Variants in TNFAIP8 observed in about 807,000 individuals in gnomAD.
The protein encoded by TNFAIP8 is TNF alpha induced protein 8.
A neutral mutation model predicts 13.3 loss-of-function variants in TNFAIP8; 7 were observed. The observed-to-expected ratio is 0.52, with a 90% confidence interval of 0.30 to 0.99. The LOEUF (loss-of-function observed/expected upper bound fraction) is 0.99, where lower values mean the gene tolerates loss of function less well. TNFAIP8 is among the 50% of genes least tolerant of loss of function. The probability of loss-of-function intolerance (pLI) is 0.07; values close to 1 mark genes in which losing one functional copy is unlikely to be tolerated. For missense variants in TNFAIP8, 258 were observed against 236.9 expected (o/e 1.09, Z -0.58); for synonymous variants, 94 against 87.6 (o/e 1.07, Z -0.41).
chr5:119,324,274 C>CAAAAAAAAAAAAA lies in TNFAIP8; in HGVS notation c.1+55395_1+55407dup, dbSNP rs56104829. Among the ~76,000 whole-genome samples, 10 of 77,670 alleles carry CAAAAAAAAAAAAA rather than the reference C, an allele frequency of 1.3e-4. 1 individual carries two copies. The highest frequency in any genetic ancestry group is 1.9e-4 in the African/African-American group (4 of 20,638). 51.0% of individuals were successfully genotyped at this position (77,670 alleles called of 152,430 possible). A position where few individuals can be genotyped will look rare whatever the true frequency, so the allele number is the denominator to read the frequency against. On this transcript the variant is annotated intron_variant, in intron 1 of 1. Transcript: ENST00000274456. Reference sequence around the variant, plus strand: ...TGAGCCACAAAGCAAGACGCCATCTCAAAAAAAAAAAAAAAAAAAAAAAAA... The same window carrying CAAAAAAAAAAAAA: ...TGAGCCACAAAGCAAGACGCCATCTCAAAAAAAAAAAAAAAAAAAAAAAAAAAAAAAAAAAAAA...
chr5:119,383,888 T>C (rs1264265624), intron 1 of TNFAIP8, among the ~76,000 whole-genome samples: 1 of 152,256 alleles, frequency 6.6e-6, no homozygotes, highest in Non-Finnish European at 1.5e-5. Flanking sequence ...CCAGCTGGGT[T>C]GATCTTCCTT....
At chr5:119,373,199 A>G (rs770255318) in intron 1 of TNFAIP8, among the ~76,000 whole-genome samples, 4 of 152,078 alleles carry the variant, frequency 2.6e-5, no homozygotes, top group African/African-American at 4.8e-5. Flanking sequence ...TGACTTTCCT[A>G]TAAGATAAAA....
At chr5:119,348,293 C>T (rs1750981363) in intron 1 of TNFAIP8, among the ~76,000 whole-genome samples, 2 of 152,182 alleles carry the variant, frequency 1.3e-5, no homozygotes, top group African/African-American at 4.8e-5. Flanking sequence ...GGGGTCTCCA[C>T]TAGGTTGTTG....
intron 1 of TNFAIP8, among the ~76,000 whole-genome samples, chr5:119,322,255 T>A (rs1266961071): frequency 6.6e-6 from 1 of 152,230 alleles, no homozygotes; most frequent in African/African-American, 2.4e-5. Context: ...CTTTTGTCAC[T>A]GCTCTATCCC....
intron 1 of TNFAIP8, among the ~76,000 whole-genome samples, chr5:119,320,062 A>G (rs1418756381): frequency 3.3e-5 from 5 of 152,126 alleles, no homozygotes; most frequent in Non-Finnish European, 5.9e-5. Flanking sequence ...ATTGCCTTTC[A>G]GTGGAGGTTG....
chr5:119,343,693 A>G (rs1337097477), intron 1 of TNFAIP8, among the ~76,000 whole-genome samples: 4 of 152,234 alleles, frequency 2.6e-5, no homozygotes, highest in Non-Finnish European at 5.9e-5. Flanking sequence ...GACAACTAAC[A>G]TCAAGATTAT....
chr5:119,332,212 A>G (rs976450828), intron 1 of TNFAIP8, among the ~76,000 whole-genome samples: 1 of 152,114 alleles, frequency 6.6e-6, no homozygotes, highest in Non-Finnish European at 1.5e-5. Context: ...TTTGATTTTA[A>G]TTTAGGTCAA....
intron 1 of TNFAIP8, among the ~76,000 whole-genome samples, chr5:119,309,631 T>A (rs1388441895): frequency 6.6e-6 from 1 of 152,156 alleles, no homozygotes; most frequent in African/African-American, 2.4e-5. Context: ...GATCGAAGCA[T>A]CGGTGTTCAG....
intron 1 of TNFAIP8, among the ~76,000 whole-genome samples, chr5:119,298,357 C>G (rs1206444561): frequency 1.3e-5 from 2 of 152,078 alleles, no homozygotes; most frequent in African/African-American, 4.8e-5. Flanking sequence ...ATTTCTCCTT[C>G]ACTTATGAAG....
chr5:119,349,701 G>A (rs1751046545), intron 1 of TNFAIP8, among the ~76,000 whole-genome samples: 1 of 152,176 alleles, frequency 6.6e-6, no homozygotes, highest in Admixed American at 6.5e-5. Flanking sequence ...ATAAATAGAA[G>A]CTATTGAATT....
chr5:119,315,184 A>G (rs1749852228), intron 1 of TNFAIP8, among the ~76,000 whole-genome samples: 1 of 152,054 alleles, frequency 6.6e-6, no homozygotes, highest in Non-Finnish European at 1.5e-5. Flanking sequence ...CGGGGTTCTC[A>G]CCATTCTCCT....
chr5:119,376,537 A>G (rs1043303978), intron 1 of TNFAIP8, among the ~76,000 whole-genome samples: 1 of 152,134 alleles, frequency 6.6e-6, no homozygotes, highest in African/African-American at 2.4e-5. Flanking sequence ...GTTGTTTTAT[A>G]AAAATCAGTA....
chr5:119,272,778 T>C (rs1055779778), intron 1 of TNFAIP8, among the ~76,000 whole-genome samples: 1 of 152,216 alleles, frequency 6.6e-6, no homozygotes, highest in African/African-American at 2.4e-5. Flanking sequence ...GCTGCAAAGC[T>C]GGGTGTGTGC....
intron 1 of TNFAIP8, among the ~76,000 whole-genome samples, chr5:119,371,504 G>T (rs1752069807): frequency 6.6e-6 from 1 of 152,154 alleles, no homozygotes; most frequent in African/African-American, 2.4e-5. Flanking sequence ...TGCTAGACTG[G>T]ATGGCATAAA....
chr5:119,286,940 T>C (rs957914636), intron 1 of TNFAIP8, among the ~76,000 whole-genome samples: 5 of 152,196 alleles, frequency 3.3e-5, no homozygotes, highest in Non-Finnish European at 7.3e-5. Flanking sequence ...TGATGCCTAC[T>C]CCTCCTCTGA....
intron 1 of TNFAIP8, among the ~76,000 whole-genome samples, chr5:119,281,308 T>G (rs75721160): frequency 6.1e-5 from 1 of 16,268 alleles, no homozygotes; most frequent in African/African-American, 1.3e-4. Context: ...ACACACACAC[T>G]CTCTCTCTCT....
chr5:119,336,751 A>C (rs1750562999), intron 1 of TNFAIP8, among the ~76,000 whole-genome samples: 2 of 152,184 alleles, frequency 1.3e-5, no homozygotes. Flanking sequence ...TGATCACCCC[A>C]TTCTCAGTAT....
At chr5:119,310,944 A>T (rs1017877383) in intron 1 of TNFAIP8, among the ~76,000 whole-genome samples, 1 of 152,146 alleles carries the variant, frequency 6.6e-6, no homozygotes, top group African/African-American at 2.4e-5. Context: ...AGAGTTTTCA[A>T]ACAAAAGCAT....
At chr5:119,364,961 C>T (rs868316059) in intron 1 of TNFAIP8, among the ~76,000 whole-genome samples, 1 of 150,996 alleles carries the variant, frequency 6.6e-6, no homozygotes. Context: ...AACTGATTCC[C>T]CTGCCTCAGC....
Sources: allele counts gnomAD v4.1 joint callset (sites outside exome capture counted in the v4.1 genomes callset), GRCh38; gene constraint gnomAD v4.1.1; transcripts MANE v1.5; gene names NCBI Gene and HGNC (gene_info 2026-07-23, HGNC 2026-07-21).